Variants in WDR72 observed in about 807,000 individuals in gnomAD.
WDR72 encodes the protein WD repeat-containing protein 72.
Under a neutral mutation model 124.2 loss-of-function variants are expected in WDR72, and 120 were observed. The observed-to-expected ratio is 0.97, with a 90% CI of 0.83 to 1.12. The LOEUF is 1.12. Ranked by LOEUF, WDR72 falls within the 50% of genes most tolerant of loss-of-function variation. The pLI, the probability that WDR72 is intolerant of heterozygous loss-of-function variation, is 0.00. For synonymous variants in WDR72, 452 were observed against 441.7 expected (o/e 1.02, Z -0.29); for missense variants, 1,387 against 1,278.8 (o/e 1.08, Z -1.29).
intron 14 of WDR72, among the ~76,000 whole-genome samples, chr15:53,627,241 T>A (rs1475030827): frequency 2.0e-5 from 3 of 152,176 alleles, no homozygotes; most frequent in Non-Finnish European, 4.4e-5. Context: ...GATACAAGGG[T>A]CTTCATTAGC....
At chr15:53,662,407 G>T (rs1208090757) in intron 14 of WDR72, among the ~76,000 whole-genome samples, 1 of 152,088 alleles carries the variant, frequency 6.6e-6, no homozygotes, top group East Asian at 1.9e-4. Flanking sequence ...CAATAAAAAA[G>T]AAATACAGCA....
intron 1 of WDR72, among the ~76,000 whole-genome samples, chr15:53,736,043 A>G (rs1374944619): frequency 6.6e-6 from 1 of 152,136 alleles, no homozygotes; most frequent in African/African-American, 2.4e-5. Flanking sequence ...ATACAGCAAG[A>G]AGTCATTAAA....
intron 18 of WDR72, among the ~76,000 whole-genome samples, chr15:53,558,480 T>C (rs8026810): frequency 0.31 from 47,813 of 151,956 alleles, 7,877 homozygotes; most frequent in Admixed American, 0.41. Context: ...CATTAAATAT[T>C]ACTCCATAGA....
chr15:53,739,951 G>A (rs1481288021), intron 1 of WDR72, among the ~76,000 whole-genome samples: 6 of 152,136 alleles, frequency 3.9e-5, no homozygotes, highest in Non-Finnish European at 8.8e-5. Context: ...CCACCCTGCT[G>A]AGTAGAACAG....
intron 19 of WDR72, among the ~76,000 whole-genome samples, chr15:53,521,633 T>G (rs1334927607): frequency 6.6e-6 from 1 of 152,056 alleles, no homozygotes; most frequent in African/African-American, 2.4e-5. Flanking sequence ...ATGTTATATT[T>G]GAATCTCGCT....
At chr15:53,591,858 C>G (rs1371112313) in intron 18 of WDR72, among the ~76,000 whole-genome samples, 2 of 152,014 alleles carry the variant, frequency 1.3e-5, no homozygotes, top group Non-Finnish European at 2.9e-5. Flanking sequence ...AGTGTCTTGT[C>G]TATTTTCTGG....
chr15:53,645,608 T>C (rs150184487), intron 14 of WDR72, among the ~76,000 whole-genome samples: 92 of 152,286 alleles, frequency 6.0e-4, no homozygotes, highest in African/African-American at 2.1e-3. Context: ...AAAGATATGC[T>C]AAACACAGAA....
chr15:53,699,988 C>T (rs1486897548), intron 12 of WDR72, 43 bp from the exon 13 acceptor site: 18 of 1,611,122 alleles, frequency 1.1e-5, no homozygotes, highest in Non-Finnish European at 1.4e-5. Flanking sequence ...TAGTCAAATG[C>T]TTTCTTTATG....
rs1431632726 is a variant in WDR72 at position 53,515,945 on chromosome 15, A to G, written c.*1754T>C. ...GCCTCATTTGAGAGGACATACACTT[A>G]TTTGATATTGCCATCCTTCAAAATG... On this transcript the variant is annotated 3_prime_UTR_variant, in exon 20 of 20. Coordinates refer to ENST00000360509, the MANE Select transcript of WDR72 (RefSeq NM_182758.4). 2 of 152,122 alleles carry G rather than the reference A, an allele frequency of 1.3e-5. No homozygotes were observed. The highest frequency in any genetic ancestry group is 2.9e-5 in the Non-Finnish European group (2 of 67,986). 9.4% of individuals were successfully genotyped at this position (152,122 alleles called of 1,614,324 possible).
intron 18 of WDR72, among the ~76,000 whole-genome samples, chr15:53,573,835 G>A (rs960871268): frequency 1.2e-4 from 18 of 152,256 alleles, no homozygotes; most frequent in Middle Eastern, 3.4e-3. Flanking sequence ...CGTGAGCCAC[G>A]GCGCCCAGCC....
intron 18 of WDR72, among the ~76,000 whole-genome samples, chr15:53,532,181 T>A (rs980768254): frequency 6.6e-6 from 1 of 152,112 alleles, no homozygotes; most frequent in African/African-American, 2.4e-5. Flanking sequence ...AGAACCCTCA[T>A]ACACCGCTGG....
At chr15:53,746,448 T>C (rs920667467) in intron 1 of WDR72, among the ~76,000 whole-genome samples, 1 of 152,212 alleles carries the variant, frequency 6.6e-6, no homozygotes, top group Non-Finnish European at 1.5e-5. Context: ...CTGGTTACAA[T>C]GCATGAATTT....
chr15:53,612,351 G>A (rs888379587), intron 16 of WDR72, among the ~76,000 whole-genome samples: 3 of 152,102 alleles, frequency 2.0e-5, no homozygotes, highest in Non-Finnish European at 4.4e-5. Context: ...ACAGATGTCA[G>A]ATAGATAGTG....
intron 18 of WDR72, among the ~76,000 whole-genome samples, chr15:53,563,744 G>A (rs1475798479): frequency 6.6e-6 from 1 of 151,702 alleles, no homozygotes; most frequent in Non-Finnish European, 1.5e-5. Flanking sequence ...GCACAGGCTT[G>A]CCTATCACAC....
chr15:53,740,776 A>C (rs1174089907), intron 1 of WDR72, among the ~76,000 whole-genome samples: 1 of 152,194 alleles, frequency 6.6e-6, no homozygotes, highest in Non-Finnish European at 1.5e-5. Flanking sequence ...GAGGGAGTGG[A>C]TTAAGAGTGT....
chr15:53,733,238 A>G (rs2018255982), intron 1 of WDR72, 77 bp from the exon 2 acceptor site: 1 of 1,504,128 alleles, frequency 6.6e-7, no homozygotes, highest in Non-Finnish European at 9.1e-7. Flanking sequence ...TTACAAGCAG[A>G]TTTATGATGA....
chr15:53,669,706 T>C, intron 13 of WDR72, among the ~76,000 whole-genome samples: 1 of 152,184 alleles, frequency 6.6e-6, no homozygotes, highest in Non-Finnish European at 1.5e-5. Context: ...AGAGAACATC[T>C]ACAGCAAAAA....
At chr15:53,567,176 A>G (rs1018676242) in intron 18 of WDR72, among the ~76,000 whole-genome samples, 3 of 151,992 alleles carry the variant, frequency 2.0e-5, no homozygotes, top group Non-Finnish European at 1.5e-5. Flanking sequence ...TGTGTGTCCA[A>G]CATGTGTTGG....
At chr15:53,666,907 C>G (rs1268116342) in intron 13 of WDR72, among the ~76,000 whole-genome samples, 1 of 152,196 alleles carries the variant, frequency 6.6e-6, no homozygotes, top group East Asian at 1.9e-4. Context: ...GAATCAGTAA[C>G]AGTTACTGTG....
Sources: allele counts gnomAD v4.1 joint callset (sites outside exome capture counted in the v4.1 genomes callset), GRCh38; gene constraint gnomAD v4.1.1; transcripts MANE v1.5; gene names NCBI Gene and HGNC (gene_info 2026-07-23, HGNC 2026-07-21).